The following PTBP2 variants were observed in gnomAD, a reference collection of about 807,000 sequenced individuals.
The protein encoded by PTBP2 is polypyrimidine tract binding protein 2, also known as polypyrimidine tract-binding protein 2.
A neutral mutation model predicts 61.4 loss-of-function variants in PTBP2; 13 were observed. That is an observed-to-expected ratio of 0.21 (90% CI 0.14 to 0.34). The LOEUF (loss-of-function observed/expected upper bound fraction) is 0.34. Ranked by LOEUF, PTBP2 falls within the 10% of genes least tolerant of loss-of-function variation. The pLI is 1.00. For synonymous variants in PTBP2, 215 were observed against 218.5 expected, an observed-to-expected ratio of 0.98 and a Z score of 0.14; for missense variants, 405 against 642.6, an observed-to-expected ratio of 0.63 and a Z score of 4.00.
chr1:96,756,135 AC>A (rs1208743165), intron 3 of PTBP2, among the ~76,000 whole-genome samples: 7 of 152,182 alleles, frequency 4.6e-5, no homozygotes, highest in Non-Finnish European at 1.0e-4. Context: ...ACAGTGGCTT[AC>A]GCCTGTAATC....
intron 3 of PTBP2, among the ~76,000 whole-genome samples, chr1:96,754,110 T>C (rs1207926186): frequency 6.6e-6 from 1 of 152,034 alleles, no homozygotes; most frequent in African/African-American, 2.4e-5. Flanking sequence ...CACATAGTAG[T>C]CAAAATATTG....
At chr1:96,738,223 A>G (rs1652493448) in intron 2 of PTBP2, among the ~76,000 whole-genome samples, 1 of 139,566 alleles carries the variant, frequency 7.2e-6, no homozygotes, top group Admixed American at 7.4e-5. Flanking sequence ...CAACTATTAT[A>G]AAAAGGAGTG....
rs937178214 is a variant in PTBP2 at position 96,741,324 on chromosome 1, C to T, written c.40-10101C>T. Among the ~76,000 whole-genome samples, 11 of 152,140 alleles carry T rather than the reference C, an allele frequency of 7.2e-5. No individual in the cohort carries two copies. In the South Asian group the frequency reaches 1.0e-3, roughly 14 times the overall value. ...TCATCCAGGCTGGAGTGCAGTGGCT[C>T]GGTCACAGTCACTGCAGTCTTGACA... On this transcript the variant is annotated intron_variant, in intron 2 of 13. Transcript: ENST00000674951.
intron 2 of PTBP2, among the ~76,000 whole-genome samples, chr1:96,750,842 C>T (rs752868116): frequency 3.3e-5 from 5 of 151,962 alleles, no homozygotes; most frequent in African/African-American, 1.2e-4. Context: ...GTGCAGTTAC[C>T]GAAGAGATGA....
At chr1:96,736,619 C>T (rs1652228126) in intron 2 of PTBP2, among the ~76,000 whole-genome samples, 2 of 152,268 alleles carry the variant, frequency 1.3e-5, no homozygotes, top group South Asian at 4.1e-4. Context: ...GTTACATGTA[C>T]AGCGGATAAT....
intron 3 of PTBP2, among the ~76,000 whole-genome samples, chr1:96,767,999 A>T (rs1458771536): frequency 1.3e-5 from 2 of 152,124 alleles, no homozygotes; most frequent in Non-Finnish European, 2.9e-5. Context: ...ATATAAACCT[A>T]AGTGAAACTC....
intron 7 of PTBP2, among the ~76,000 whole-genome samples, chr1:96,781,249 C>G (rs143661287): frequency 1.4e-3 from 220 of 152,108 alleles, no homozygotes; most frequent in African/African-American, 5.2e-3. Context: ...ACTGAACTCA[C>G]CATTTTGACA....
chr1:96,800,767 T>G (rs936594846), intron 8 of PTBP2, among the ~76,000 whole-genome samples: 1 of 152,126 alleles, frequency 6.6e-6, no homozygotes, highest in Non-Finnish European at 1.5e-5. Flanking sequence ...TAGCCTAGGC[T>G]TTTAATTCTC....
Position 96,808,405 on chromosome 1 carries a change from G to T in PTBP2, c.1171+1447G>T, listed in dbSNP as rs147050557. Among the ~76,000 whole-genome samples the T allele has an allele frequency of 3.0e-3, 461 of 152,098 alleles. 6 individuals are homozygous for T. Among genetic ancestry groups the T allele is most frequent in the Admixed American group, 0.016 (240 of 15,272 alleles). ...CATCTTCCCCCTGTGTCCTCATGTG[G>T]CCTTTCCACTGTGCAAGCACGTTAA... is the stretch of plus-strand genomic sequence containing the variant. On this transcript the variant is annotated intron_variant, in intron 11 of 13. Transcript: ENST00000674951.
At chr1:96,752,711 G>A (rs1038527516) in intron 3 of PTBP2, among the ~76,000 whole-genome samples, 1 of 151,984 alleles carries the variant, frequency 6.6e-6, no homozygotes, top group East Asian at 1.9e-4. Flanking sequence ...AAATTAATTT[G>A]GAATTAATTT....
chr1:96,815,343 T>C (rs185920362), downstream of PTBP2: 123 of 152,272 alleles, frequency 8.1e-4, 1 homozygote, highest in African/African-American at 2.8e-3. Context: ...AAAAAGAACT[T>C]GATATTACTG....
chr1:96,774,884 C>T (rs1470755461), intron 5 of PTBP2, among the ~76,000 whole-genome samples: 1 of 152,192 alleles, frequency 6.6e-6, no homozygotes, highest in African/African-American at 2.4e-5. Flanking sequence ...GCTTATGCTT[C>T]TGTCCCAAAA....
At chr1:96,798,549 G>A (rs1233305079) in intron 8 of PTBP2, among the ~76,000 whole-genome samples, 1 of 152,194 alleles carries the variant, frequency 6.6e-6, no homozygotes, top group African/African-American at 2.4e-5. Context: ...TACTTTGGAT[G>A]GAACTTTTAG....
intron 7 of PTBP2, among the ~76,000 whole-genome samples, chr1:96,779,029 GA>G (rs1385636906): frequency 1.3e-5 from 2 of 152,124 alleles, no homozygotes; most frequent in Non-Finnish European, 2.9e-5. Flanking sequence ...AAGATTTAAA[GA>G]GGTGAATTAC....
chr1:96,735,757 TGGAAA>T (rs776699854), intron 2 of PTBP2, among the ~76,000 whole-genome samples: 59 of 152,182 alleles, frequency 3.9e-4, no homozygotes, highest in Non-Finnish European at 3.1e-4. Flanking sequence ...AAAAATGTGT[TGGAAA>T]GGAAGAGAAG....
intron 2 of PTBP2, among the ~76,000 whole-genome samples, chr1:96,728,815 A>ATTT (rs368839720): frequency 1.8e-5 from 2 of 110,188 alleles, no homozygotes; most frequent in African/African-American, 5.6e-5. Flanking sequence ...TTCTTTAAGC[A>ATTT]TTTTTTTTTT....
At chr1:96,793,094 A>T (rs988885359) in intron 8 of PTBP2, among the ~76,000 whole-genome samples, 1 of 152,230 alleles carries the variant, frequency 6.6e-6, no homozygotes, top group Non-Finnish European at 1.5e-5. Context: ...ACTTGGTTAG[A>T]GGTCACATGA....
chr1:96,742,134 G>A (rs1209809474), intron 2 of PTBP2, among the ~76,000 whole-genome samples: 1 of 152,104 alleles, frequency 6.6e-6, no homozygotes, highest in East Asian at 1.9e-4. Context: ...TAGTTAATTG[G>A]GAGAACATTA....
In PTBP2 at chr1:96,795,220, A is replaced by G. The variant is rs371938860; in HGVS notation, c.905-9580A>G. On this transcript the variant is annotated intron_variant, in intron 8 of 13. Transcript: ENST00000674951. The stretch of plus-strand genomic sequence containing the variant: ...GAGTATGTTGGAGAAGTGAAAATGG[A>G]GACTAGGAATAACAGGTGGGAGACT... 2.0e-5 allele frequency among the ~76,000 whole-genome samples: 3 copies of G among 152,298 alleles called. No individual in the cohort carries two copies. The South Asian group carries it at 6.2e-4, about 32-fold the overall frequency.
Sources: gnomAD v4.1 joint callset for allele counts (sites outside exome capture counted in the v4.1 genomes callset) on GRCh38, gnomAD v4.1.1 for gene constraint, MANE v1.5 for transcripts, NCBI Gene and HGNC (gene_info 2026-07-23, HGNC 2026-07-21) for gene names.